Variants in PAX5 observed in about 807,000 individuals in gnomAD.
PAX5 encodes the protein paired box protein Pax-5.
In PAX5, 9 loss-of-function variants were observed where a neutral mutation model predicts 43.7. The ratio of observed to expected loss-of-function variants is 0.21; its 90% CI spans 0.12 to 0.36. PAX5 has a LOEUF of 0.36. Among genes scored for constraint, PAX5 ranks in the 10% least tolerant of loss-of-function variants. The pLI is 1.00. For missense variants in PAX5, 383 were observed against 532.7 expected (o/e 0.72, Z 2.77); for synonymous variants, 228 against 214.3 (o/e 1.06, Z -0.56).
chr9:36,954,341 G>A (rs981610886), intron 6 of PAX5, among the ~76,000 whole-genome samples: 1 of 152,142 alleles, frequency 6.6e-6, no homozygotes, highest in African/African-American at 2.4e-5. Flanking sequence ...GAGTAATGGT[G>A]TCAAAACTCC....
intron 6 of PAX5, among the ~76,000 whole-genome samples, chr9:36,946,114 C>T (rs1378267360): frequency 3.3e-5 from 5 of 151,268 alleles, no homozygotes; most frequent in South Asian, 2.1e-4. Context: ...CATCAGGAAG[C>T]GACTCCCTGA....
At chr9:36,995,212 C>T (rs547064783) in intron 5 of PAX5, among the ~76,000 whole-genome samples, 2 of 152,354 alleles carry the variant, frequency 1.3e-5, no homozygotes, top group South Asian at 2.1e-4. Context: ...CTAAAGAATC[C>T]TTGGGTCTCA....
At position 36,873,297 on chromosome 9, in the gene PAX5, G is replaced by A. The variant is rs567594052; in HGVS notation, c.1012+8707C>T. ...TGAGCTCCCTGAGGGCAGGGGCTGT[G>A]TCGGCAGCTCCACCCCTAGCCCACA... On this transcript the variant is annotated intron_variant, in intron 8 of 9. Transcript: ENST00000358127. 9.2e-5 allele frequency among the ~76,000 whole-genome samples: 14 copies of A among 152,328 alleles called. 1 individual carries two copies. In the South Asian group the frequency reaches 2.9e-3, roughly 32 times the overall value.
In PAX5 at chr9:36,839,458, G is replaced by T. The variant is rs1225245972; in HGVS notation, c.*1102C>A. ...AGGATGCTCAGAAGTTCTGGCTGTA[G>T]GCTGTTTGTGATCTGGGTGTGGGGG... On this transcript the variant is annotated 3_prime_UTR_variant, in exon 10 of 10. Transcript: ENST00000358127. 1.3e-5 allele frequency: 3 copies of T among 233,428 alleles called. No homozygotes were observed. The highest frequency in any genetic ancestry group is 1.7e-5 in the Non-Finnish European group (2 of 118,204). 14.5% of individuals were successfully genotyped at this position (233,428 alleles called of 1,614,324 possible).
At chr9:36,880,437 G>A (rs1455750878) in intron 8 of PAX5, among the ~76,000 whole-genome samples, 2 of 152,280 alleles carry the variant, frequency 1.3e-5, no homozygotes, top group Non-Finnish European at 2.9e-5. Flanking sequence ...AAAGAGGGGT[G>A]TGGTTATGTC....
chr9:37,028,005 C>A (rs1254942954), intron 1 of PAX5, among the ~76,000 whole-genome samples: 1 of 152,242 alleles, frequency 6.6e-6, no homozygotes, highest in Non-Finnish European at 1.5e-5. Context: ...AGTCCCGCTG[C>A]GGGTCCCACG....
chr9:36,905,979 TGAGA>T (rs1242176183), intron 7 of PAX5, among the ~76,000 whole-genome samples: 1 of 151,568 alleles, frequency 6.6e-6, no homozygotes, highest in African/African-American at 2.4e-5. Context: ...GGAGACAGAG[TGAGA>T]ACCAGCCAGT....
At chr9:36,850,564 G>A (rs958046566) in intron 8 of PAX5, among the ~76,000 whole-genome samples, 1 of 152,126 alleles carries the variant, frequency 6.6e-6, no homozygotes, top group Non-Finnish European at 1.5e-5. Context: ...GGGACACCAC[G>A]GGCCCTTCGC....
At chr9:37,014,465 T>A (rs1402174890) in intron 3 of PAX5, among the ~76,000 whole-genome samples, 3 of 152,198 alleles carry the variant, frequency 2.0e-5, no homozygotes, top group Admixed American at 2.0e-4. Context: ...AAGAGCTTTG[T>A]CAAGGTCCCA....
At chr9:36,926,721 T>C (rs1224108977) in intron 6 of PAX5, among the ~76,000 whole-genome samples, 1 of 152,196 alleles carries the variant, frequency 6.6e-6, no homozygotes, top group Non-Finnish European at 1.5e-5. Flanking sequence ...AGTTCCGCCC[T>C]CCTCTCTGTG....
At chr9:36,905,836 T>G (rs945966482) in intron 7 of PAX5, among the ~76,000 whole-genome samples, 2 of 152,214 alleles carry the variant, frequency 1.3e-5, no homozygotes, top group African/African-American at 2.4e-5. Flanking sequence ...ACTTGAGTTC[T>G]CAGTCTCAGC....
At chr9:36,888,923 T>C (rs889142953) in intron 7 of PAX5, among the ~76,000 whole-genome samples, 1 of 152,212 alleles carries the variant, frequency 6.6e-6, no homozygotes. Context: ...CAGGCCTGGC[T>C]TCAAATCTTA....
At chr9:37,019,393 T>G (rs1336277674) in intron 2 of PAX5, among the ~76,000 whole-genome samples, 1 of 152,114 alleles carries the variant, frequency 6.6e-6, no homozygotes, top group Admixed American at 6.5e-5. Context: ...CCCCCACAGC[T>G]CAGGTAACCT....
chr9:36,942,669 C>T (rs1346948937), intron 6 of PAX5, among the ~76,000 whole-genome samples: 1 of 152,242 alleles, frequency 6.6e-6, no homozygotes, highest in Non-Finnish European at 1.5e-5. Flanking sequence ...ATTCTTCTTC[C>T]TTTTTGCAGA....
chr9:36,969,330 C>T (rs949505363), intron 5 of PAX5, among the ~76,000 whole-genome samples: 1 of 152,160 alleles, frequency 6.6e-6, no homozygotes, highest in African/African-American at 2.4e-5. Context: ...GCCAGGCCAT[C>T]CTCCCAGAGG....
chr9:36,876,534 A>T (rs1825927092), intron 8 of PAX5, among the ~76,000 whole-genome samples: 1 of 152,232 alleles, frequency 6.6e-6, no homozygotes, highest in Non-Finnish European at 1.5e-5. Context: ...TTCAAATGCC[A>T]TGTCGATATC....
Position 37,020,953 on chromosome 9 carries a change from C to T in PAX5, c.47-152G>A, listed in dbSNP as rs7031259. ...CTGGAGTCCAATCGTGCAAACTACA[C>T]GAAGTCCCCAGATTGCTTTTTAAAA... On this transcript the variant is annotated intron_variant, in intron 1 of 9. Transcript: ENST00000358127. 0.036 allele frequency: 24,917 copies of T among 696,276 alleles called. 1,928 individuals are homozygous for T. The highest frequency in any genetic ancestry group is 0.16 in the East Asian group (5,899 of 37,184). 43.1% of individuals were successfully genotyped at this position (696,276 alleles called of 1,614,324 possible). A position where few individuals can be genotyped will look rare whatever the true frequency, so the allele number is the denominator to read the frequency against.
intron 7 of PAX5, among the ~76,000 whole-genome samples, chr9:36,908,481 A>C (rs1419339670): frequency 6.6e-6 from 1 of 152,184 alleles, no homozygotes; most frequent in Non-Finnish European, 1.5e-5. Flanking sequence ...GAGTTGGCTG[A>C]GGGCAGGAAT....
At chr9:36,906,770 G>T (rs1230929665) in intron 7 of PAX5, among the ~76,000 whole-genome samples, 1 of 152,180 alleles carries the variant, frequency 6.6e-6, no homozygotes, top group Non-Finnish European at 1.5e-5. Flanking sequence ...CCGAGCTCCA[G>T]ATTTTCAAAG....
Sources: allele counts gnomAD v4.1 joint callset (sites outside exome capture counted in the v4.1 genomes callset), GRCh38; gene constraint gnomAD v4.1.1; transcripts MANE v1.5; gene names NCBI Gene and HGNC (gene_info 2026-07-23, HGNC 2026-07-21).